DCC: variants seen among roughly 807,000 people sequenced by gnomAD.
DCC encodes the protein DCC netrin 1 receptor, also known as netrin receptor DCC.
A neutral mutation model predicts 172.5 loss-of-function variants in DCC; 58 were observed. That is an observed-to-expected ratio of 0.34 (90% CI 0.27 to 0.42). DCC has a LOEUF of 0.42. Ranked by LOEUF, DCC falls within the 10% of genes least tolerant of loss-of-function variation. The pLI is 1.00. For synonymous variants in DCC, 709 were observed against 644.5 expected (o/e 1.10, Z -1.52); for missense variants, 1,740 against 1,791.0 (o/e 0.97, Z 0.51).
chr18:52,489,183 T>C lies in DCC; in HGVS notation c.91+148305T>C, dbSNP rs77258447. On this transcript the variant is annotated intron_variant, in intron 1 of 28. Coordinates refer to ENST00000442544, the MANE Select transcript of DCC (RefSeq NM_005215.4). ...GTTTGAGGTAGGAAGAGAACCTGCA[T>C]GTAAACTGGCTCCTAGATGATACTG... Among the ~76,000 whole-genome samples, 569 of 152,196 alleles carry C rather than the reference T, an allele frequency of 3.7e-3. 3 individuals are homozygous for C. The East Asian group carries it at 0.039, about 10-fold the overall frequency.
chr18:53,358,099 A>G (rs2057898328), intron 15 of DCC, among the ~76,000 whole-genome samples: 1 of 152,116 alleles, frequency 6.6e-6, no homozygotes, highest in African/African-American at 2.4e-5. Flanking sequence ...AGTTTGTCCA[A>G]TTACTATATT....
At chr18:53,507,815 G>T (rs1438830519) in intron 27 of DCC, among the ~76,000 whole-genome samples, 1 of 151,404 alleles carries the variant, frequency 6.6e-6, no homozygotes, top group Non-Finnish European at 1.5e-5. Context: ...TGACATTTCT[G>T]ATTCTTTTAC....
At chr18:52,621,975 A>C (rs1429668342) in intron 1 of DCC, among the ~76,000 whole-genome samples, 2 of 152,136 alleles carry the variant, frequency 1.3e-5, no homozygotes, top group Admixed American at 1.3e-4. Flanking sequence ...TTACTTTCCA[A>C]GTTCTGTTTT....
intron 2 of DCC, among the ~76,000 whole-genome samples, chr18:52,883,903 C>G (rs761337374): frequency 6.6e-6 from 1 of 151,106 alleles, no homozygotes; most frequent in Admixed American, 6.6e-5. Context: ...TTGATGAAAT[C>G]CCCTAAGTTT....
At chr18:53,002,503 G>A (rs976615655) in intron 5 of DCC, among the ~76,000 whole-genome samples, 2 of 152,010 alleles carry the variant, frequency 1.3e-5, no homozygotes, top group African/African-American at 4.8e-5. Context: ...GAATATCAAG[G>A]ATGGTGAGAT....
At chr18:53,452,762 C>T (rs1278850852) in intron 23 of DCC, among the ~76,000 whole-genome samples, 1 of 152,178 alleles carries the variant, frequency 6.6e-6, no homozygotes, top group Non-Finnish European at 1.5e-5. Flanking sequence ...CTTGTGTTCA[C>T]ACTTTGTTTC....
At chr18:52,771,833 A>T (rs2037349049) in intron 2 of DCC, among the ~76,000 whole-genome samples, 1 of 150,628 alleles carries the variant, frequency 6.6e-6, no homozygotes, top group South Asian at 2.1e-4. Context: ...AGTGCTTCTC[A>T]AATTTGGTGT....
At chr18:53,327,765 C>T (rs1599028553) in intron 14 of DCC, among the ~76,000 whole-genome samples, 1 of 152,104 alleles carries the variant, frequency 6.6e-6, no homozygotes. Flanking sequence ...AGAATGTGTT[C>T]TTCTGGTGAT....
At chr18:53,034,542 G>C (rs745424324) in intron 5 of DCC, among the ~76,000 whole-genome samples, 7 of 151,996 alleles carry the variant, frequency 4.6e-5, no homozygotes, top group Non-Finnish European at 7.4e-5. Flanking sequence ...ACCATGCCAT[G>C]CTGGCTCAAA....
At chr18:52,942,719 C>T (rs571722931) in intron 5 of DCC, among the ~76,000 whole-genome samples, 44 of 152,284 alleles carry the variant, frequency 2.9e-4, no homozygotes, top group African/African-American at 1.0e-3. Context: ...CAAATTATCT[C>T]CCGCCAGGTC....
At position 53,062,551 on chromosome 18, in the gene DCC, T is replaced by G. The variant is rs540308468; in HGVS notation, c.986-754T>G. On this transcript the variant is annotated intron_variant, in intron 5 of 28. Coordinates refer to ENST00000442544, the MANE Select transcript of DCC (RefSeq NM_005215.4). Reference sequence around the variant, plus strand: ...GAGAATAAACATTAATTTTTAGAATTTCTTTCTCCTAGGCAAGGTTTTGTG... The same window carrying G: ...GAGAATAAACATTAATTTTTAGAATGTCTTTCTCCTAGGCAAGGTTTTGTG... 2.6e-3 allele frequency among the ~76,000 whole-genome samples: 403 copies of G among 152,284 alleles called. 3 individuals are homozygous for G. Among genetic ancestry groups the G allele is most frequent in the Middle Eastern group, 0.02 (6 of 294 alleles).
At chr18:52,547,482 G>C (rs1568223468) in intron 1 of DCC, among the ~76,000 whole-genome samples, 1 of 152,062 alleles carries the variant, frequency 6.6e-6, no homozygotes, top group Non-Finnish European at 1.5e-5. Context: ...AGATAAATTA[G>C]GCAGTGTGGG....
intron 9 of DCC, 88 bp from the exon 10 acceptor site, chr18:53,205,128 T>C: frequency 2.0e-6 from 2 of 992,118 alleles, no homozygotes; most frequent in Non-Finnish European, 3.2e-6. Context: ...TTTATTGAAC[T>C]GTAAAAATGT....
chr18:53,261,421 G>C (rs1472162741), intron 12 of DCC, among the ~76,000 whole-genome samples: 1 of 152,148 alleles, frequency 6.6e-6, no homozygotes, highest in Non-Finnish European at 1.5e-5. Flanking sequence ...CAGTGACTCA[G>C]CTATTTGGCC....
intron 5 of DCC, among the ~76,000 whole-genome samples, chr18:53,014,057 C>T (rs1319149518): frequency 1.3e-5 from 2 of 152,046 alleles, no homozygotes; most frequent in African/African-American, 2.4e-5. Flanking sequence ...TACCTCAAAC[C>T]CAGTCACACT....
At chr18:52,845,993 G>A (rs78395048) in intron 2 of DCC, among the ~76,000 whole-genome samples, 1,666 of 152,256 alleles carry the variant, frequency 0.011, 15 homozygotes, top group Middle Eastern at 0.024. Context: ...AGGATCCAAG[G>A]CACTGGGGTT....
intron 5 of DCC, chr18:52,931,642 G>T (rs2040308323): frequency 6.6e-6 from 1 of 151,916 alleles, no homozygotes; most frequent in South Asian, 2.1e-4. Context: ...AAATAAAAAT[G>T]GAAAATTCCA....
intron 2 of DCC, among the ~76,000 whole-genome samples, chr18:52,806,433 G>A (rs2038084859): frequency 6.6e-6 from 1 of 152,134 alleles, no homozygotes; most frequent in Non-Finnish European, 1.5e-5. Context: ...TCAAGCCAGT[G>A]CTCACCAAAA....
intron 1 of DCC, among the ~76,000 whole-genome samples, chr18:52,434,737 A>G (rs1269143639): frequency 1.3e-5 from 2 of 151,606 alleles, no homozygotes; most frequent in Non-Finnish European, 2.9e-5. Flanking sequence ...ATCACTATAA[A>G]TTTCTCTTCA....
Sources: gnomAD v4.1 joint callset for allele counts (sites outside exome capture counted in the v4.1 genomes callset) on GRCh38, gnomAD v4.1.1 for gene constraint, MANE v1.5 for transcripts, NCBI Gene and HGNC (gene_info 2026-07-23, HGNC 2026-07-21) for gene names.